The following MCTP2 variants were observed in gnomAD, a reference collection of about 807,000 sequenced individuals.
MCTP2 encodes the protein multiple C2 and transmembrane domain-containing protein 2.
Under a neutral mutation model 111.6 loss-of-function variants are expected in MCTP2, and 132 were observed. That is an observed-to-expected ratio of 1.18 (90% confidence interval 1.03 to 1.37). The LOEUF is 1.37. Ranked by LOEUF, MCTP2 falls within the 40% of genes most tolerant of loss-of-function variation. The probability of loss-of-function intolerance (pLI) is 0.00; values close to 1 mark genes in which losing one functional copy is unlikely to be tolerated. For synonymous variants in MCTP2, 395 were observed against 387.7 expected (o/e 1.02, Z -0.22); for missense variants, 1,183 against 1,067.9 (o/e 1.11, Z -1.50).
intron 20 of MCTP2, among the ~76,000 whole-genome samples, chr15:94,466,050 T>TTGGGTTCTTAACTTCAATTATTA (rs1213631826): frequency 2.6e-5 from 4 of 152,204 alleles, no homozygotes; most frequent in Non-Finnish European, 5.9e-5. Flanking sequence ...AATTCATTCA[T>TTGGGTTCTTAACTTCAATTATTA]TGGGTTCTTA....
intron 20 of MCTP2, among the ~76,000 whole-genome samples, chr15:94,464,253 TATATTATATATATATA>T (rs2085414717): frequency 2.2e-5 from 1 of 46,392 alleles, no homozygotes; most frequent in African/African-American, 8.3e-5. Flanking sequence ...TATATATATA[TATATTATATATATATA>T]TATATATATA....
At chr15:94,465,093 C>T (rs1346297285) in intron 20 of MCTP2, among the ~76,000 whole-genome samples, 1 of 152,050 alleles carries the variant, frequency 6.6e-6, no homozygotes, top group African/African-American at 2.4e-5. Context: ...TGAATTTTAT[C>T]TGTTTTTGCT....
chr15:94,458,422 T>C (rs2084974758), intron 20 of MCTP2, among the ~76,000 whole-genome samples, 176 bp downstream of exon 20: 1 of 152,176 alleles, frequency 6.6e-6, no homozygotes, highest in Non-Finnish European at 1.5e-5. Context: ...CACAGTTGGG[T>C]GGTGCCTCAG....
At chr15:94,431,765 C>A (rs2083195832) in intron 17 of MCTP2, among the ~76,000 whole-genome samples, 1 of 152,044 alleles carries the variant, frequency 6.6e-6, no homozygotes, top group South Asian at 2.1e-4. Context: ...CTAAAATAAT[C>A]ATACTTATGT....
intron 1 of MCTP2, among the ~76,000 whole-genome samples, chr15:94,246,154 T>C (rs1050167563): frequency 3.3e-5 from 5 of 152,048 alleles, no homozygotes; most frequent in Non-Finnish European, 7.4e-5. Flanking sequence ...GAAGGACCCT[T>C]TGCAATGCTA....
At chr15:94,387,975 C>T (rs530268951) in intron 14 of MCTP2, among the ~76,000 whole-genome samples, 16 of 152,118 alleles carry the variant, frequency 1.1e-4, no homozygotes, top group African/African-American at 1.7e-4. Context: ...CAGCAATGGC[C>T]GGGCAGCCAG....
In MCTP2 at chr15:94,295,686, T is replaced by A. The variant is rs2075242809; in HGVS notation, c.-65-2515T>A. Among the ~76,000 whole-genome samples, 3 of 152,212 alleles carry A rather than the reference T, an allele frequency of 2.0e-5. No homozygotes were observed. The South Asian group carries it at 6.2e-4, about 32-fold the overall frequency. Reference sequence around the variant, plus strand: ...TCTTTACAACGGACTTTTCAGTTATTTAAATATTTTTTCTTTCAGCTTTAG... The same window carrying A: ...TCTTTACAACGGACTTTTCAGTTATATAAATATTTTTTCTTTCAGCTTTAG... On this transcript the variant is annotated intron_variant, in intron 1 of 22. Coordinates refer to ENST00000357742, the MANE Select transcript of MCTP2 (RefSeq NM_001385001.1).
At chr15:94,364,300 A>C (rs1287024227) in intron 10 of MCTP2, among the ~76,000 whole-genome samples, 1 of 152,154 alleles carries the variant, frequency 6.6e-6, no homozygotes, top group Non-Finnish European at 1.5e-5. Context: ...AACCAAAAAT[A>C]TTTAATTATT....
intron 21 of MCTP2, among the ~76,000 whole-genome samples, chr15:94,474,776 G>C (rs546285421): frequency 6.9e-4 from 105 of 152,236 alleles, no homozygotes; most frequent in East Asian, 3.9e-4. Flanking sequence ...CAAAATTATT[G>C]AAACTTTTGA....
intron 17 of MCTP2, among the ~76,000 whole-genome samples, chr15:94,437,689 G>A (rs570305384): frequency 5.3e-5 from 8 of 152,012 alleles, no homozygotes; most frequent in South Asian, 2.1e-4. Flanking sequence ...CATTTTGAGC[G>A]TGTAATAAGA....
chr15:94,407,186 ATAT>A (rs1404654909), intron 17 of MCTP2, among the ~76,000 whole-genome samples: 1 of 152,152 alleles, frequency 6.6e-6, no homozygotes, highest in African/African-American at 2.4e-5. Context: ...TCCTAAAGTT[ATAT>A]TATTATATAA....
At chr15:94,391,370 T>G (rs1177568117) in intron 14 of MCTP2, among the ~76,000 whole-genome samples, 1 of 152,108 alleles carries the variant, frequency 6.6e-6, no homozygotes, top group Non-Finnish European at 1.5e-5. Context: ...ATACAGAAAT[T>G]TTTGCCCATT....
At chr15:94,335,042 C>A (rs141696081) in intron 4 of MCTP2, among the ~76,000 whole-genome samples, 1 of 152,290 alleles carries the variant, frequency 6.6e-6, no homozygotes, top group South Asian at 2.1e-4. Context: ...TTGAGTAGGT[C>A]CTTCTTGTGG....
intron 1 of MCTP2, among the ~76,000 whole-genome samples, chr15:94,232,668 T>A (rs1458134285): frequency 2.6e-5 from 4 of 152,130 alleles, no homozygotes; most frequent in African/African-American, 4.8e-5. Flanking sequence ...AAGGGGAATC[T>A]TAAGGCACTT....
chr15:94,472,491 A>C (rs2074010240), intron 21 of MCTP2, among the ~76,000 whole-genome samples: 3 of 152,180 alleles, frequency 2.0e-5, no homozygotes, highest in African/African-American at 7.2e-5. Context: ...TTGGCTTCTG[A>C]TCTTATCCTC....
intron 1 of MCTP2, among the ~76,000 whole-genome samples, chr15:94,288,093 A>G (rs536073892): frequency 2.0e-5 from 3 of 152,320 alleles, no homozygotes; most frequent in South Asian, 2.1e-4. Context: ...TATGCTTTCT[A>G]TTCGGTAAAA....
At chr15:94,365,636 C>G (rs2079144805) in intron 10 of MCTP2, among the ~76,000 whole-genome samples, 1 of 152,086 alleles carries the variant, frequency 6.6e-6, no homozygotes, top group South Asian at 2.1e-4. Context: ...GAATTAATAT[C>G]AGGTTCATTT....
At chr15:94,292,230 C>T (rs1213700271) in intron 1 of MCTP2, among the ~76,000 whole-genome samples, 1 of 152,034 alleles carries the variant, frequency 6.6e-6, no homozygotes, top group Non-Finnish European at 1.5e-5. Flanking sequence ...TGGATGCTTT[C>T]TAAGACTGAG....
intron 1 of MCTP2, chr15:94,231,970 G>A (rs1019174550): frequency 4.6e-5 from 7 of 152,226 alleles, no homozygotes; most frequent in African/African-American, 1.7e-4. Flanking sequence ...CGCTACGGAG[G>A]TAGTCACCGC....
Sources: gnomAD v4.1 joint callset for allele counts (sites outside exome capture counted in the v4.1 genomes callset) on GRCh38, gnomAD v4.1.1 for gene constraint, MANE v1.5 for transcripts, NCBI Gene and HGNC (gene_info 2026-07-23, HGNC 2026-07-21) for gene names.